MTCL2: variants seen among roughly 807,000 people sequenced by gnomAD.
MTCL2 encodes the protein microtubule cross-linking factor 2.
the MTCL2 span, chr20:36,815,689 C>T: frequency 1.2e-6 from 2 of 1,604,800 alleles, no homozygotes; most frequent in East Asian, 2.2e-5. This position sits in a 1 kb window ranked among gnomAD's most constrained non-coding sequence, Gnocchi z 5.3. Context: ...TTGACCTTGC[C>T]GCTGAGCTCG....
the MTCL2 span, among the ~76,000 whole-genome samples, chr20:36,808,314 C>T: frequency 6.6e-6 from 1 of 150,964 alleles, no homozygotes; most frequent in Non-Finnish European, 1.5e-5. Context: ...TGAGATTGCA[C>T]CACTGCACTC....
At chr20:36,784,873 C>A in the MTCL2 span, 1 of 985,312 alleles carries the variant, frequency 1.0e-6, no homozygotes, top group Non-Finnish European at 1.2e-6. Context: ...TGCAAAGCTG[C>A]GATAAACAAC....
At chr20:36,794,660 G>C in the MTCL2 span, 2 of 1,607,440 alleles carry the variant, frequency 1.2e-6, no homozygotes, top group Admixed American at 3.3e-5. This position sits in a 1 kb window ranked among gnomAD's most constrained non-coding sequence, Gnocchi z 5.4. Flanking sequence ...GGCACACTCT[G>C]GTCTACCACC....
the MTCL2 span, among the ~76,000 whole-genome samples, chr20:36,809,388 G>A: frequency 1.3e-5 from 2 of 152,124 alleles, no homozygotes; most frequent in Admixed American, 6.5e-5. Context: ...TTGATTAGAA[G>A]CCAGGCCTGA....
the MTCL2 span, chr20:36,785,197 G>A: frequency 1.0e-6 from 1 of 985,312 alleles, no homozygotes; most frequent in Non-Finnish European, 1.2e-6. Context: ...CTGTTGAGGG[G>A]CCCTCCAAAG....
At chr20:36,790,745 T>C in the MTCL2 span, among the ~76,000 whole-genome samples, 1 of 151,430 alleles carries the variant, frequency 6.6e-6, no homozygotes, top group East Asian at 2.0e-4. Context: ...CCTCTTTTTT[T>C]TTTTTTTTAA....
chr20:36,784,086 A>G, the MTCL2 span: 5 of 985,482 alleles, frequency 5.1e-6, no homozygotes, highest in African/African-American at 8.7e-5. Flanking sequence ...CTTGGGGCTC[A>G]GGTCCCACGG....
At chr20:36,863,229 G>A in the MTCL2 span, 1 of 1,201,648 alleles carries the variant, frequency 8.3e-7, no homozygotes, top group Non-Finnish European at 1.0e-6. The surrounding 1 kb of genome is among the most constrained non-coding windows in gnomAD (Gnocchi z 6.2). Context: ...CACGTCTTTG[G>A]GCCGGGCCGG....
chr20:36,845,851 T>C, the MTCL2 span, among the ~76,000 whole-genome samples: 1 of 151,720 alleles, frequency 6.6e-6, no homozygotes, highest in Non-Finnish European at 1.5e-5. Context: ...TGGGGGGCCC[T>C]GGGAGGTGGG....
the MTCL2 span, among the ~76,000 whole-genome samples, chr20:36,792,748 G>C: frequency 6.6e-6 from 1 of 152,016 alleles, no homozygotes; most frequent in Non-Finnish European, 1.5e-5. Context: ...CCAGGTCTGG[G>C]ACCTTCCAAC....
chr20:36,824,421 C>T, the MTCL2 span, among the ~76,000 whole-genome samples: 1 of 152,030 alleles, frequency 6.6e-6, no homozygotes, highest in Non-Finnish European at 1.5e-5. Flanking sequence ...GGCCAGTCAC[C>T]AAAGACTCCA....
chr20:36,847,579 G>A, the MTCL2 span, among the ~76,000 whole-genome samples: 189 of 152,260 alleles, frequency 1.2e-3, 1 homozygote, highest in South Asian at 0.03. Context: ...GGGGCCAGGC[G>A]CGGTGGCTCA....
chr20:36,829,002 G>T, the MTCL2 span: 1 of 1,474,178 alleles, frequency 6.8e-7, no homozygotes, highest in Non-Finnish European at 9.0e-7. Flanking sequence ...GGGGGGGCTT[G>T]CATGTGCCCA....
the MTCL2 span, among the ~76,000 whole-genome samples, chr20:36,828,342 G>C: frequency 1.9e-3 from 288 of 152,292 alleles, no homozygotes; most frequent in Middle Eastern, 6.8e-3. Flanking sequence ...TCTCTCTCAG[G>C]GGCTGTTTGC....
At chr20:36,857,240 C>A in the MTCL2 span, among the ~76,000 whole-genome samples, 3 of 152,032 alleles carry the variant, frequency 2.0e-5, no homozygotes, top group African/African-American at 7.3e-5. Context: ...TGGGACATAT[C>A]CGGGTGTGTC....
the MTCL2 span, chr20:36,859,727 G>A: frequency 2.4e-6 from 3 of 1,231,782 alleles, no homozygotes; most frequent in Non-Finnish European, 3.0e-6. Flanking sequence ...GGGGAGGTAA[G>A]CCTGAGCAGG....
the MTCL2 span, among the ~76,000 whole-genome samples, chr20:36,848,546 A>T: frequency 6.6e-6 from 1 of 151,968 alleles, no homozygotes. Context: ...TCCTCACTGA[A>T]CCCCCCACTC....
At chr20:36,807,690 G>A in the MTCL2 span, among the ~76,000 whole-genome samples, 2 of 151,822 alleles carry the variant, frequency 1.3e-5, no homozygotes, top group African/African-American at 4.8e-5. Context: ...AATACCACCT[G>A]TACTATCACC....
the MTCL2 span, among the ~76,000 whole-genome samples, chr20:36,814,693 C>G: frequency 6.6e-6 from 1 of 152,160 alleles, no homozygotes; most frequent in Non-Finnish European, 1.5e-5. Context: ...TCGAGACCAG[C>G]CTGGCCAACA....
Sources: allele counts gnomAD v4.1 joint callset (sites outside exome capture counted in the v4.1 genomes callset), GRCh38; gene constraint gnomAD v4.1.1; non-coding constraint Gnocchi (gnomAD v3.1); transcripts MANE v1.5; gene names NCBI Gene and HGNC (gene_info 2026-07-23, HGNC 2026-07-21).